Variants in ABCA13 observed in about 807,000 individuals in gnomAD.
ABCA13 encodes the protein ATP binding cassette subfamily A member 13.
ABCA13 carries 476 observed loss-of-function variants against 478.7 expected under a neutral mutation model. The ratio of observed to expected loss-of-function variants is 0.99; its 90% CI spans 0.92 to 1.07. The LOEUF (loss-of-function observed/expected upper bound fraction) is 1.07. Ranked by LOEUF, ABCA13 falls within the 50% of genes least tolerant of loss-of-function variation. The pLI, the probability that ABCA13 is intolerant of heterozygous loss-of-function variation, is 0.00. For missense variants in ABCA13, 6,060 were observed against 5,910.6 expected (o/e 1.03, Z -0.83); for synonymous variants, 2,252 against 2,158.9 (o/e 1.04, Z -1.20).
chr7:48,289,633 A>T (rs1443193879), intron 20 of ABCA13, among the ~76,000 whole-genome samples: 2 of 152,170 alleles, frequency 1.3e-5, no homozygotes, highest in Non-Finnish European at 2.9e-5. Flanking sequence ...TGCTGGGATT[A>T]CAGGCATGAG....
intron 19 of ABCA13, among the ~76,000 whole-genome samples, chr7:48,284,712 ATAAT>A (rs1043577552): frequency 5.3e-5 from 8 of 152,220 alleles, no homozygotes; most frequent in African/African-American, 1.9e-4. Context: ...TTAGTAACAG[ATAAT>A]TAATTTTTAA....
chr7:48,250,464 C>A (rs1045405548), intron 15 of ABCA13, among the ~76,000 whole-genome samples: 1 of 152,186 alleles, frequency 6.6e-6, no homozygotes, highest in African/African-American at 2.4e-5. Flanking sequence ...AATCAGCCCC[C>A]ATTCTGGGGC....
chr7:48,219,411 A>G lies in ABCA13; in HGVS notation c.345A>G (p.Leu115=), dbSNP rs575979661. 1 of 1,613,226 alleles carries G rather than the reference A, an allele frequency of 6.2e-7. No individual in the cohort carries two copies. Among genetic ancestry groups the G allele is most frequent in the East Asian group, 2.2e-5 (1 of 44,864 alleles). The change falls in exon 4 of 62, where the codon TTA becomes TTG. Residue 115 remains leucine, a synonymous_variant. Coordinates refer to ENST00000435803, the MANE Select transcript of ABCA13 (RefSeq NM_152701.5). ...AGAAAGTCAACAACCTGGCCTTTTTAAAAGAGATACAAGACCTGGCAGAGG... is the reference window on the plus strand; with the variant it reads ...AGAAAGTCAACAACCTGGCCTTTTTGAAAGAGATACAAGACCTGGCAGAGG... ...DPKKVNNLAF[L]KEIQDLAEEI... is the part of the protein sequence containing the mutation.
intron 59 of ABCA13, among the ~76,000 whole-genome samples, chr7:48,623,958 G>T (rs1793407019): frequency 6.6e-6 from 1 of 152,136 alleles, no homozygotes; most frequent in Non-Finnish European, 1.5e-5. Context: ...GAGCAGCTGA[G>T]CTGAACGGAC....
At position 48,374,378 on chromosome 7, in the gene ABCA13, G is replaced by T; in HGVS notation, c.11165G>T (p.Gly3722Val). The T allele has an allele frequency of 6.2e-7, 1 of 1,610,648 alleles. No homozygotes were observed. The highest frequency in any genetic ancestry group is 8.5e-7 in the Non-Finnish European group (1 of 1,178,656). The change falls in exon 34 of 62, where the codon GGG becomes GTG. Residue 3722 changes from glycine (G) to valine (V), a missense_variant. Coordinates refer to ENST00000435803, the MANE Select transcript of ABCA13 (RefSeq NM_152701.5). ...CLLSTTAFGQGVFFITFLEGQ... is the reference protein window; with the variant it reads ...CLLSTTAFGQVVFFITFLEGQ... Reference sequence around the variant, plus strand: ...CTTTCGACAACCGCCTTTGGACAAGGGGTATTTTTTATTACATTCCTGGAA... The same window carrying T: ...CTTTCGACAACCGCCTTTGGACAAGTGGTATTTTTTATTACATTCCTGGAA...
rs191360256 is a variant in ABCA13 at position 48,624,439 on chromosome 7, A to C, written c.14837+9062A>C. Among the ~76,000 whole-genome samples the C allele has an allele frequency of 2.1e-4, 32 of 152,186 alleles. No homozygotes were observed. The East Asian group carries it at 6.2e-3, about 29-fold the overall frequency. On this transcript the variant is annotated intron_variant, in intron 59 of 61. Coordinates refer to ENST00000435803, the MANE Select transcript of ABCA13 (RefSeq NM_152701.5). ...TCCTGTCATGGAAAGGAAATAAAACATGCTTCTGAAGCACAGAGTTTACAA... is the reference window on the plus strand; with the variant it reads ...TCCTGTCATGGAAAGGAAATAAAACCTGCTTCTGAAGCACAGAGTTTACAA...
chr7:48,306,802 A>G (rs1800965516), intron 23 of ABCA13, among the ~76,000 whole-genome samples: 4 of 152,252 alleles, frequency 2.6e-5, no homozygotes. Flanking sequence ...GTTAGGCTGC[A>G]GTACTCAGAT....
chr7:48,505,869 A>T (rs1028991164), intron 48 of ABCA13, among the ~76,000 whole-genome samples: 1 of 152,180 alleles, frequency 6.6e-6, no homozygotes, highest in Admixed American at 6.5e-5. Flanking sequence ...GCAAAACAAA[A>T]CAAACAACTC....
chr7:48,304,963 C>T (rs1325313835), intron 23 of ABCA13, among the ~76,000 whole-genome samples: 1 of 152,210 alleles, frequency 6.6e-6, no homozygotes, highest in Non-Finnish European at 1.5e-5. Flanking sequence ...AATTAGTTCT[C>T]TTAAGTGTAA....
Position 48,576,238 on chromosome 7 carries a change from C to T in ABCA13, c.14355-3986C>T, listed in dbSNP as rs554875647. ...AAAACGACTGTACTAGAAGGAAGCC[C>T]AGGACTGTGAATCAGGAGACCCAGA... On this transcript the variant is annotated intron_variant, in intron 55 of 61. Coordinates refer to ENST00000435803, the MANE Select transcript of ABCA13 (RefSeq NM_152701.5). Among the ~76,000 whole-genome samples, 18 of 152,132 alleles carry T rather than the reference C, an allele frequency of 1.2e-4. 1 individual carries two copies. The East Asian group carries it at 3.5e-3, about 29-fold the overall frequency.
At chr7:48,473,814 CT>C (rs11385220) in intron 45 of ABCA13, among the ~76,000 whole-genome samples, 1 of 152,090 alleles carries the variant, frequency 6.6e-6, no homozygotes, top group African/African-American at 2.4e-5. Flanking sequence ...TTTTGTTTGT[CT>C]TTTTTCTAGA....
intron 35 of ABCA13, among the ~76,000 whole-genome samples, chr7:48,378,790 A>G (rs1813889907): frequency 6.6e-6 from 1 of 152,224 alleles, no homozygotes; most frequent in Non-Finnish European, 1.5e-5. Context: ...ACACGGATGT[A>G]CCTTTTCTAG....
chr7:48,206,634 T>G, intron 3 of ABCA13, among the ~76,000 whole-genome samples: 1 of 152,178 alleles, frequency 6.6e-6, no homozygotes. Context: ...TGAATATATA[T>G]TTTAAAAGTC....
At chr7:48,503,044 A>C (rs1563361435) in intron 48 of ABCA13, among the ~76,000 whole-genome samples, 1 of 152,190 alleles carries the variant, frequency 6.6e-6, no homozygotes, top group African/African-American at 2.4e-5. Context: ...TTGCCATGCT[A>C]TACATTAGGT....
At chr7:48,214,501 T>G (rs907001692) in intron 3 of ABCA13, among the ~76,000 whole-genome samples, 1 of 152,222 alleles carries the variant, frequency 6.6e-6, no homozygotes, top group Non-Finnish European at 1.5e-5. Flanking sequence ...AGATAGCATC[T>G]TCCAATGCAA....
intron 44 of ABCA13, among the ~76,000 whole-genome samples, chr7:48,469,027 G>A (rs898012156): frequency 1.3e-5 from 2 of 152,166 alleles, no homozygotes; most frequent in Non-Finnish European, 2.9e-5. Context: ...TATATCTGGT[G>A]GCACTTCAGT....
chr7:48,515,076 G>A (rs1832006495), intron 51 of ABCA13, among the ~76,000 whole-genome samples: 1 of 152,108 alleles, frequency 6.6e-6, no homozygotes, highest in Non-Finnish European at 1.5e-5. Flanking sequence ...GAGTTAACTT[G>A]AGGGCCTGGC....
chr7:48,580,398 G>A, intron 56 of ABCA13, 24 bp downstream of exon 56: 2 of 1,602,344 alleles, frequency 1.2e-6, no homozygotes, highest in East Asian at 2.3e-5. Context: ...GGGTCTTCTA[G>A]ATAAAGGGAC....
chr7:48,324,002 T>C (rs961186441), intron 27 of ABCA13, among the ~76,000 whole-genome samples: 1 of 152,234 alleles, frequency 6.6e-6, no homozygotes, highest in Admixed American at 6.5e-5. Context: ...CCTAGCCATA[T>C]GGAACTGTGA....
Sources: gnomAD v4.1 joint callset for allele counts (sites outside exome capture counted in the v4.1 genomes callset) on GRCh38, gnomAD v4.1.1 for gene constraint, MANE v1.5 for transcripts, NCBI Gene and HGNC (gene_info 2026-07-23, HGNC 2026-07-21) for gene names.